CAST: variants seen among roughly 807,000 people sequenced by gnomAD.
CAST encodes MIR583 host.
Under a neutral mutation model 119.6 loss-of-function variants are expected in CAST, and 76 were observed. That is an observed-to-expected ratio of 0.64 (90% CI 0.53 to 0.77). The LOEUF is 0.77. CAST is among the 30% of genes least tolerant of loss of function. The probability of loss-of-function intolerance (pLI) is 0.00; values close to 1 mark genes in which losing one functional copy is unlikely to be tolerated. For synonymous variants in CAST, 319 were observed against 331.6 expected, an observed-to-expected ratio of 0.96 and a Z score of 0.41; for missense variants, 953 against 946.5, an observed-to-expected ratio of 1.01 and a Z score of -0.09.
chr5:95,961,635 T>C, the CAST span: 31 of 1,609,828 alleles, frequency 1.9e-5, no homozygotes, highest in Middle Eastern at 5.0e-4. Context: ...TCACATGCAG[T>C]ACGGTGATGT....
At chr5:96,030,217 A>G in the CAST span, among the ~76,000 whole-genome samples, 4 of 152,214 alleles carry the variant, frequency 2.6e-5, no homozygotes, top group Non-Finnish European at 5.9e-5. Flanking sequence ...CAGAAATGTG[A>G]AACCAACAGC....
intron 2 of CAST, among the ~76,000 whole-genome samples, chr5:96,685,710 C>A (rs1752000745): frequency 6.6e-6 from 1 of 152,192 alleles, no homozygotes; most frequent in South Asian, 2.1e-4. Flanking sequence ...ATTATCAACT[C>A]TTTTTGTGCC....
At chr5:96,755,472 A>G (rs1420680626) in intron 22 of CAST, among the ~76,000 whole-genome samples, 1 of 152,190 alleles carries the variant, frequency 6.6e-6, no homozygotes, top group Non-Finnish European at 1.5e-5. Context: ...AAGTTGCCCC[A>G]TTTCTTCTAT....
At chr5:96,770,212 C>A (rs1008198904) in intron 29 of CAST, 1 of 307,780 alleles carries the variant, frequency 3.2e-6, no homozygotes, top group Non-Finnish European at 6.4e-6. Flanking sequence ...CTTTTCTCCA[C>A]ACCCTTGCCG....
At chr5:96,271,760 G>A in the CAST span, among the ~76,000 whole-genome samples, 1 of 151,532 alleles carries the variant, frequency 6.6e-6, no homozygotes, top group Non-Finnish European at 1.5e-5. Flanking sequence ...GAGACAAATG[G>A]AGTTATATGA....
Position 96,730,768 on chromosome 5 carries a change from T to C in CAST, c.550-12T>C. ...ACTTAGCTCTGTCAACCTTTTATCC[T>C]CACTGTCTTAGACTAAACCACAAGA... On this transcript the variant is annotated splice_polypyrimidine_tract_variant and intron_variant, in intron 8 of 31. Coordinates refer to ENST00000675179, the MANE Select transcript of CAST (RefSeq NM_001750.7). 2 of 1,605,316 alleles carry C rather than the reference T, an allele frequency of 1.2e-6. No homozygotes were observed. Among genetic ancestry groups the C allele is most frequent in the Non-Finnish European group, 1.7e-6 (2 of 1,171,898 alleles).
the CAST span, among the ~76,000 whole-genome samples, chr5:96,450,035 C>A: frequency 1.3e-5 from 2 of 152,108 alleles, no homozygotes; most frequent in Non-Finnish European, 2.9e-5. Flanking sequence ...ATAGAATTAC[C>A]CTTTGATCCA....
At chr5:96,238,366 C>CTTCTTCTTCTTCTTCATCTT in the CAST span, among the ~76,000 whole-genome samples, 27 of 23,248 alleles carry the variant, frequency 1.2e-3, 1 homozygote, top group African/African-American at 2.7e-3. Context: ...TTCTTCTTCT[C>CTTCTTCTTCTTCTTCATCTT]CTTCTTCTCC....
chr5:96,754,557 C>A, intron 21 of CAST, 101 bp from the exon 22 acceptor site: 1 of 737,868 alleles, frequency 1.4e-6, no homozygotes, highest in South Asian at 1.7e-5. Context: ...TACTTCCTAA[C>A]CTAATGATAG....
At chr5:95,973,739 A>G in the CAST span, among the ~76,000 whole-genome samples, 4 of 152,216 alleles carry the variant, frequency 2.6e-5, no homozygotes, top group Non-Finnish European at 4.4e-5. Context: ...GCTTTATAGT[A>G]TAATTAACTT....
At chr5:96,468,167 G>C in the CAST span, among the ~76,000 whole-genome samples, 3 of 152,040 alleles carry the variant, frequency 2.0e-5, no homozygotes, top group Non-Finnish European at 2.9e-5. Flanking sequence ...TTATAAGTAA[G>C]AGCTGAGCTA....
intron 1 of CAST, among the ~76,000 whole-genome samples, chr5:96,666,257 A>AAC (rs10529318): frequency 2.3e-3 from 341 of 150,140 alleles, no homozygotes; most frequent in South Asian, 6.7e-3. Flanking sequence ...GGTTGTAGTA[A>AAC]ACACACACAC....
At chr5:96,675,235 C>T (rs375717192) in intron 1 of CAST, among the ~76,000 whole-genome samples, 3 of 152,252 alleles carry the variant, frequency 2.0e-5, no homozygotes, top group East Asian at 1.9e-4. Context: ...AGATGTCTAC[C>T]GTGCTGAAAA....
At chr5:96,580,985 A>G (rs1345564367) in intron 1 of CAST, among the ~76,000 whole-genome samples, 1 of 152,194 alleles carries the variant, frequency 6.6e-6, no homozygotes, top group African/African-American at 2.4e-5. Context: ...ATCTATGAGA[A>G]AGCAGGCCCT....
At chr5:96,472,472 T>A in the CAST span, among the ~76,000 whole-genome samples, 1 of 152,194 alleles carries the variant, frequency 6.6e-6, no homozygotes. Flanking sequence ...TATCACATTG[T>A]AGGCACTCAA....
At chr5:96,399,049 A>C in the CAST span, 1 of 1,589,834 alleles carries the variant, frequency 6.3e-7, no homozygotes, top group Non-Finnish European at 8.6e-7. Flanking sequence ...AAATACATTA[A>C]AGAATCAGCA....
At chr5:96,142,757 A>G in the CAST span, among the ~76,000 whole-genome samples, 1 of 152,260 alleles carries the variant, frequency 6.6e-6, no homozygotes, top group Non-Finnish European at 1.5e-5. Flanking sequence ...TGTATAATTC[A>G]GCTTAAATAC....
the CAST span, among the ~76,000 whole-genome samples, chr5:96,353,125 A>T: frequency 4.5e-4 from 69 of 152,148 alleles, 1 homozygote; most frequent in African/African-American, 1.5e-3. Context: ...ATTGATAAAA[A>T]AAAACAATAC....
intron 1 of CAST, among the ~76,000 whole-genome samples, chr5:96,597,906 A>G (rs1747080802): frequency 1.3e-5 from 2 of 151,154 alleles, no homozygotes; most frequent in African/African-American, 4.9e-5. Flanking sequence ...GTGGAAGAAG[A>G]AAAGAAAGGG....
Sources: gnomAD v4.1 joint callset for allele counts (sites outside exome capture counted in the v4.1 genomes callset) on GRCh38, gnomAD v4.1.1 for gene constraint, MANE v1.5 for transcripts, NCBI Gene and HGNC (gene_info 2026-07-23, HGNC 2026-07-21) for gene names.